The following TTN variants were observed in gnomAD, a reference collection of about 807,000 sequenced individuals.
The protein encoded by TTN is connectin.
Under a neutral mutation model 3,223.0 loss-of-function variants are expected in TTN, and 1,525 were observed. The ratio of observed to expected loss-of-function variants is 0.47; its 90% CI spans 0.45 to 0.49. TTN has a LOEUF of 0.49. TTN is among the 20% of genes least tolerant of loss of function. The pLI is 0.00. For synonymous variants in TTN, 14,094 were observed against 15,161.0 expected (o/e 0.93, Z 5.17); for missense variants, 40,786 against 43,424.0 (o/e 0.94, Z 5.40).
chr2:178,532,909 T>A lies in TTN; in HGVS notation c.103706A>T (p.Lys34569Met). 1.2e-6 allele frequency: 2 copies of A among 1,613,926 alleles called. No individual in the cohort carries two copies. Among genetic ancestry groups the A allele is most frequent in the Non-Finnish European group, 1.7e-6 (2 of 1,179,856 alleles). The part of the protein sequence containing the change: ...IKQFVPMSDM[K>M]WYKKIRDQYE... ...CTGATCACGTATCTTTTTATACCAC[T>A]TCATGTCAGACATGGGCACGAACTG... is the stretch of plus-strand genomic sequence containing the variant. Residue 34569 changes from lysine (K) to methionine (M), a missense_variant, in exon 358 of 363, where the codon AAG becomes ATG. Physicochemically the swap from Lys to Met is moderately conservative, Grantham distance 95 (BLOSUM62 -1). Coordinates refer to ENST00000589042, the MANE Select transcript of TTN (RefSeq NM_001267550.2).
At chr2:178,715,438 G>A in intron 89 of TTN, 55 bp downstream of exon 89, 2 of 1,552,268 alleles carry the variant, frequency 1.3e-6, no homozygotes, top group Non-Finnish European at 1.7e-6. Context: ...GAAGTTAAGA[G>A]GACAATTAAA....
intron 67 of TTN, 47 bp from the exon 68 acceptor site, chr2:178,727,910 A>G: frequency 6.7e-7 from 1 of 1,502,830 alleles, no homozygotes; most frequent in Non-Finnish European, 8.9e-7. Flanking sequence ...CTTGCAGTTG[A>G]ATTATTGTGA....
In TTN at chr2:178,582,068, T is replaced by A; in HGVS notation, c.66301A>T (p.Asn22101Tyr). ...LLEKRETQAV[N>Y]WTKVNRKPII... ...GGTTTTCTGTTGACCTTAGTCCAGTTAACAGCCTGGGTTTCCCGCTTTTCA... is the reference window on the plus strand; with the variant it reads ...GGTTTTCTGTTGACCTTAGTCCAGTAAACAGCCTGGGTTTCCCGCTTTTCA... The change falls in exon 315 of 363, where the codon AAC becomes TAC. Residue 22101 changes from asparagine (N) to tyrosine (Y), a missense_variant. Coordinates refer to ENST00000589042, the MANE Select transcript of TTN (RefSeq NM_001267550.2). 3 of 1,613,322 alleles carry A rather than the reference T, an allele frequency of 1.9e-6. No homozygotes were observed. Among genetic ancestry groups the A allele is most frequent in the Non-Finnish European group, 2.5e-6 (3 of 1,179,500 alleles).
Position 178,532,152 on chromosome 2 carries a change from G to A in TTN, c.104463C>T (p.Ile34821=). 3.1e-6 allele frequency: 5 copies of A among 1,613,822 alleles called. No homozygotes were observed. Among genetic ancestry groups the A allele is most frequent in the Non-Finnish European group, 4.2e-6 (5 of 1,179,850 alleles). The part of the protein sequence containing the change: ...EITEIEEEYE[I]SKHAQRESSS... ...ATGATTCTCTTTGAGCATGTTTTGA[G>A]ATTTCGTATTCTTCCTCAATTTCTG... The change falls in exon 358 of 363, where the codon ATC becomes ATT. Residue 34821 remains isoleucine, a synonymous_variant. Coordinates refer to ENST00000589042, the MANE Select transcript of TTN (RefSeq NM_001267550.2).
chr2:178,532,905 C>T lies in TTN; in HGVS notation c.103710G>A (p.Trp34570Ter). The T allele has an allele frequency of 6.2e-7, 1 of 1,613,886 alleles. No individual in the cohort carries two copies. Among genetic ancestry groups the T allele is most frequent in the Non-Finnish European group, 8.5e-7 (1 of 1,179,862 alleles). Residue 34570 changes from tryptophan to a stop codon, truncating the protein, a stop_gained, in exon 358 of 363, where the codon TGG (tryptophan) becomes TGA (stop). Coordinates refer to ENST00000589042, the MANE Select transcript of TTN (RefSeq NM_001267550.2). LOFTEE classifies it high-confidence loss of function. ...CATACTGATCACGTATCTTTTTATA[C>T]CACTTCATGTCAGACATGGGCACGA... ...KQFVPMSDMK[W>*]YKKIRDQYEM...
rs1374151646 is a variant in TTN at position 178,718,047 on chromosome 2, G to C, written c.24959C>G (p.Ser8320Cys). The part of the protein sequence containing the change: ...YKMQFKNNVA[S>C]LVINKVDHSD... ...GTGATCCACTTTGTTGATTACTAAG[G>C]AAGCAACGTTATTTTTGAATTGCAT... Residue 8320 changes from serine to cysteine, a missense_variant, in exon 86 of 363, where the codon TCC becomes TGC. Coordinates refer to ENST00000589042, the MANE Select transcript of TTN (RefSeq NM_001267550.2). The C allele has an allele frequency of 1.2e-6, 2 of 1,613,728 alleles. No homozygotes were observed. The highest frequency in any genetic ancestry group is 1.7e-4 in the Middle Eastern group (1 of 6,060).
rs2054181240 is a variant in TTN at position 178,604,108 on chromosome 2, A to G, written c.54579T>C (p.Asn18193=). The part of the protein sequence containing the change: ...MLVSWTPPLD[N]GGSPITGYWL... Reference sequence around the variant, plus strand: ...AGTAGCCAGTAATTGGAGAGCCACCATTGTCCAAAGGAGGAGTCCAGCTCA... The same window carrying G: ...AGTAGCCAGTAATTGGAGAGCCACCGTTGTCCAAAGGAGGAGTCCAGCTCA... The change falls in exon 282 of 363, where the codon AAT becomes AAC. Residue 18193 remains asparagine (N), a synonymous_variant. Transcript: ENST00000589042. 8.7e-6 allele frequency: 14 copies of G among 1,612,608 alleles called. No homozygotes were observed. The highest frequency in any genetic ancestry group is 1.7e-4 in the Middle Eastern group (1 of 6,046).
chr2:178,580,546 G>A lies in TTN; in HGVS notation c.66833C>T (p.Thr22278Ile), dbSNP rs1449367862. Residue 22278 changes from threonine to isoleucine, a missense_variant, in exon 317 of 363, where the codon ACT (threonine) becomes ATT (isoleucine). By Grantham distance (89) the Thr-to-Ile change is moderately conservative. Transcript: ENST00000589042. Reference protein sequence around the residue: ...RKTLILRAGVTMRLYVPVKGR... With the variant: ...RKTLILRAGVIMRLYVPVKGR... Reference sequence around the variant, plus strand: ...TTTTACTGGTACATATAGTCTCATAGTAACTCCAGCACGTAATATGAGTGT... The same window carrying A: ...TTTTACTGGTACATATAGTCTCATAATAACTCCAGCACGTAATATGAGTGT... 3.1e-6 allele frequency: 5 copies of A among 1,612,718 alleles called. No individual in the cohort carries two copies. Among genetic ancestry groups the A allele is most frequent in the Non-Finnish European group, 2.5e-6 (3 of 1,179,270 alleles).
chr2:178,667,528 TA>T lies in TTN; in HGVS notation c.35630-4del, dbSNP rs2154262005. On this transcript the variant is annotated splice_region_variant and splice_polypyrimidine_tract_variant and intron_variant, in intron 160 of 362. Coordinates refer to ENST00000589042, the MANE Select transcript of TTN (RefSeq NM_001267550.2). ...AACTTTCTTGGGTGGCTCAGGCACT[TA>T]AAAGATATGAGTATAGTTATATTTA... is the stretch of plus-strand genomic sequence containing the variant. 1 of 1,596,034 alleles carries T rather than the reference TA, an allele frequency of 6.3e-7. No homozygotes were observed. The highest frequency in any genetic ancestry group is 8.5e-7 in the Non-Finnish European group (1 of 1,178,340).
At chr2:178,742,723 C>G (rs139901177) in intron 47 of TTN, among the ~76,000 whole-genome samples, 192 of 152,168 alleles carry the variant, frequency 1.3e-3, no homozygotes, top group Non-Finnish European at 2.2e-3. Flanking sequence ...TAATTTTAAA[C>G]AAGGAATTCG....
At position 178,577,130 on chromosome 2, in the gene TTN, C is replaced by T. The variant is rs183977969; in HGVS notation, c.69205G>A (p.Gly23069Ser). 35 of 1,613,056 alleles carry T rather than the reference C, an allele frequency of 2.2e-5. No individual in the cohort carries two copies. The highest frequency in any genetic ancestry group is 1.2e-4 in the Admixed American group (7 of 59,944). ...AGTATATAGGACTTAATTGGTGAGC[C>T]GCCATCTTCCAAGGGAGGTGTCCAT... is the stretch of plus-strand genomic sequence containing the variant. Reference protein sequence around the residue: ...LTWTPPLEDGGSPIKSYILEK... With the variant: ...LTWTPPLEDGSSPIKSYILEK... The change falls in exon 324 of 363, where the codon GGC becomes AGC. Residue 23069 changes from glycine to serine, a missense_variant. Transcript: ENST00000589042.
chr2:178,632,006 T>G, intron 236 of TTN, 141 bp downstream of exon 236: 1 of 858,244 alleles, frequency 1.2e-6, no homozygotes. Context: ...GAAATAAGCC[T>G]GATTACATAT....
At chr2:178,667,200 TTTC>T (rs1473399223) in intron 162 of TTN, 33 bp downstream of exon 162, 2 of 1,517,666 alleles carry the variant, frequency 1.3e-6, no homozygotes, top group Non-Finnish European at 9.0e-7. Flanking sequence ...GACAGTATAT[TTTC>T]TTCTTTAGAT....
At chr2:178,765,470 G>C (rs2090206386) in intron 41 of TTN, among the ~76,000 whole-genome samples, 1 of 152,126 alleles carries the variant, frequency 6.6e-6, no homozygotes, top group East Asian at 1.9e-4. Context: ...ACTTCTGTGA[G>C]GCTGGTTTCT....
chr2:178,750,429 T>C, intron 47 of TTN: 1 of 1,612,462 alleles, frequency 6.2e-7, no homozygotes, highest in Non-Finnish European at 8.5e-7. Context: ...GAATGAATGA[T>C]AAAGTTTTGA....
rs985003893 is a variant in TTN at position 178,561,654 on chromosome 2, T to G, written c.84478A>C (p.Thr28160Pro). The G allele has an allele frequency of 1.2e-5, 19 of 1,607,940 alleles. No individual in the cohort carries two copies. Among genetic ancestry groups the G allele is most frequent in the Non-Finnish European group, 1.5e-5 (18 of 1,176,546 alleles). Residue 28160 changes from threonine (T) to proline (P), a missense_variant, in exon 326 of 363, where the codon ACT (threonine) becomes CCT (proline). By Grantham distance (38) the Thr-to-Pro change is conservative. Transcript: ENST00000589042. ...YPFSPPGPPG[T>P]PKVVHATKST... Reference sequence around the variant, plus strand: ...TTTGTGGCATGCACAACTTTAGGAGTACCAGGAGGACCTGGGGGACTGAAT... The same window carrying G: ...TTTGTGGCATGCACAACTTTAGGAGGACCAGGAGGACCTGGGGGACTGAAT...
intron 43 of TTN, 147 bp from the exon 44 acceptor site, chr2:178,759,319 T>G (rs1178732122): frequency 9.3e-6 from 7 of 753,446 alleles, no homozygotes; most frequent in Non-Finnish European, 1.5e-5. Flanking sequence ...ATGCCATATC[T>G]ACTATTGTTA....
Position 178,634,124 on chromosome 2 carries a change from A to G in TTN, c.42416-41T>C. 6.2e-7 allele frequency: 1 copy of G among 1,604,694 alleles called. No homozygotes were observed. Among genetic ancestry groups the G allele is most frequent in the Non-Finnish European group, 8.5e-7 (1 of 1,177,574 alleles). ...AGATAATGCCTCAGAAACACAATTCACCTTCAGAAAGATTCCATTCTAATC... is the reference window on the plus strand; with the variant it reads ...AGATAATGCCTCAGAAACACAATTCGCCTTCAGAAAGATTCCATTCTAATC... On this transcript the variant is annotated intron_variant, in intron 230 of 362. Transcript: ENST00000589042. This position sits in a 1 kb window ranked among gnomAD's most constrained non-coding sequence, Gnocchi z 4.6.
intron 47 of TTN, chr2:178,749,487 C>T (rs2084747065): frequency 6.2e-7 from 1 of 1,612,756 alleles, no homozygotes; most frequent in South Asian, 1.1e-5. Flanking sequence ...TAGTCCCTTA[C>T]TGAATATTCT....
Sources: gnomAD v4.1 joint callset for allele counts (sites outside exome capture counted in the v4.1 genomes callset) on GRCh38, gnomAD v4.1.1 for gene constraint, Gnocchi (gnomAD v3.1) non-coding constraint, MANE v1.5 for transcripts, NCBI Gene and HGNC (gene_info 2026-07-23, HGNC 2026-07-21) for gene names.